Variants in RDH8 observed in about 807,000 individuals in gnomAD.
The protein encoded by RDH8 is retinol dehydrogenase 8.
A neutral mutation model predicts 22.3 loss-of-function variants in RDH8; 14 were observed. The observed-to-expected ratio is 0.63, with a 90% CI of 0.42 to 0.98. The LOEUF is 0.98. RDH8 is among the 50% of genes least tolerant of loss of function. RDH8 has a pLI of 0.00. For missense variants in RDH8, 389 were observed against 409.8 expected (o/e 0.95, Z 0.44); for synonymous variants, 175 against 171.7 (o/e 1.02, Z -0.15).
Position 10,021,775 on chromosome 19 carries a change from T to C in RDH8, c.*26T>C. 1 of 1,603,358 alleles carries C rather than the reference T, an allele frequency of 6.2e-7. No individual in the cohort carries two copies. Among genetic ancestry groups the C allele is most frequent in the Non-Finnish European group, 8.5e-7 (1 of 1,173,070 alleles). ...GCAGAACAGAGCTTCACGATCCCCA[T>C]CCCTGAACAACCAGACCTCTTCATT... On this transcript the variant is annotated 3_prime_UTR_variant, in exon 6 of 6. Coordinates refer to ENST00000591589, the MANE Select transcript of RDH8 (RefSeq NM_015725.4).
At chr19:10,015,057 G>A (rs376628555) in intron 1 of RDH8, among the ~76,000 whole-genome samples, 1 of 152,220 alleles carries the variant, frequency 6.6e-6, no homozygotes, top group Non-Finnish European at 1.5e-5. Context: ...ATGCCCCCAG[G>A]AGTGTTCATG....
At chr19:10,015,626 C>T (rs1394865761) in intron 1 of RDH8, among the ~76,000 whole-genome samples, 1 of 142,212 alleles carries the variant, frequency 7.0e-6, no homozygotes, top group African/African-American at 2.6e-5. Context: ...GAGACTCCGT[C>T]TCAAAAAAAA....
chr19:10,018,010 A>G (rs1014566346), intron 2 of RDH8, among the ~76,000 whole-genome samples: 11 of 151,902 alleles, frequency 7.2e-5, no homozygotes, highest in South Asian at 2.1e-4. Context: ...CAATGGCGCA[A>G]TCTCAGCTCA....
chr19:10,019,297 C>CAAA, intron 3 of RDH8, among the ~76,000 whole-genome samples: 1 of 148,378 alleles, frequency 6.7e-6, no homozygotes, highest in South Asian at 2.1e-4. Flanking sequence ...AACTCTGTCT[C>CAAA]AAAAAAAATA....
rs2087664682 is a variant in RDH8 at position 10,021,826 on chromosome 19, G to A, written c.*77G>A. The A allele has an allele frequency of 7.7e-6, 11 of 1,421,412 alleles. No homozygotes were observed. The South Asian group carries it at 1.4e-4, about 17-fold the overall frequency. The allele number at this position is 1,421,412 out of a possible 1,614,324, so 88.0% of individuals were successfully genotyped here. On this transcript the variant is annotated 3_prime_UTR_variant, in exon 6 of 6. Coordinates refer to ENST00000591589, the MANE Select transcript of RDH8 (RefSeq NM_015725.4). ...CCACATCTAATTCAAAGGATGAACAGACTCTTCATTTATTCATTCTGCAAA... is the reference window on the plus strand; with the variant it reads ...CCACATCTAATTCAAAGGATGAACAAACTCTTCATTTATTCATTCTGCAAA...
intron 1 of RDH8, among the ~76,000 whole-genome samples, chr19:10,014,718 T>C (rs1378698432): frequency 6.6e-6 from 1 of 152,076 alleles, no homozygotes; most frequent in Admixed American, 6.5e-5. Flanking sequence ...TTTGTATTTT[T>C]AATAGACAAG....
chr19:10,021,059 C>T, intron 4 of RDH8, 196 bp from the exon 5 acceptor site: 1 of 640,196 alleles, frequency 1.6e-6, no homozygotes, highest in Non-Finnish European at 2.7e-6. Context: ...CCTGCAGTCC[C>T]AGCTACTCAG....
At chr19:10,015,396 T>C (rs2145164309) in intron 1 of RDH8, among the ~76,000 whole-genome samples, 1 of 151,818 alleles carries the variant, frequency 6.6e-6, no homozygotes, top group Admixed American at 6.6e-5. Context: ...GAGCTTGCAG[T>C]GAGTCGAGAT....
chr19:10,017,931 C>A lies in RDH8; in HGVS notation c.262+716C>A, dbSNP rs182300649. Among the ~76,000 whole-genome samples the A allele has an allele frequency of 2.7e-3, 408 of 152,086 alleles. 1 individual carries two copies. Among genetic ancestry groups the A allele is most frequent in the African/African-American group, 9.3e-3 (387 of 41,482 alleles). On this transcript the variant is annotated intron_variant, in intron 2 of 5. Transcript: ENST00000591589. ...AGAGTGCTGGAATTACAGGCATGCA[C>A]CACCACACCTGGCCAAAAATCAATT...
At chr19:10,020,048 G>A (rs1621143) in intron 3 of RDH8, among the ~76,000 whole-genome samples, 58,090 of 151,640 alleles carry the variant, frequency 0.38, 11,839 homozygotes, top group African/African-American at 0.53. Context: ...GGCTGAGGCA[G>A]GAGATTCACT....
rs2087586920 is a variant in RDH8, at chr19:10,013,618, G to T, written c.103+18G>T. 6.2e-7 allele frequency: 1 copy of T among 1,613,438 alleles called. No homozygotes were observed. ...CTACCAGGGTAAGAAGTGCAGGGTG[G>T]CACTAGGAGGCAGCCGGGTGGAAAC... On this transcript the variant is annotated intron_variant, in intron 1 of 5. Coordinates refer to ENST00000591589, the MANE Select transcript of RDH8 (RefSeq NM_015725.4).
Position 10,017,165 on chromosome 19 carries a change from A to C in RDH8, c.212A>C (p.Glu71Ala). The C allele has an allele frequency of 4.3e-6, 7 of 1,610,480 alleles. No homozygotes were observed. Among genetic ancestry groups the C allele is most frequent in the Non-Finnish European group, 5.9e-6 (7 of 1,177,632 alleles). ...GCCCAGCTGGACGTGTGCAGTGATG[A>C]GTCGGTGGCCCAGTGTCTCAGCTGT... is the stretch of plus-strand genomic sequence containing the variant. Reference protein sequence around the residue: ...TVAQLDVCSDESVAQCLSCIQ... With the variant: ...TVAQLDVCSDASVAQCLSCIQ... The change falls in exon 2 of 6, where the codon GAG becomes GCG. Residue 71 changes from glutamate to alanine, a missense_variant. Glu to Ala is a moderately radical substitution (Grantham distance 107). Coordinates refer to ENST00000591589, the MANE Select transcript of RDH8 (RefSeq NM_015725.4).
chr19:10,017,164 G>A lies in RDH8; in HGVS notation c.211G>A (p.Glu71Lys), dbSNP rs144177019. 2 of 1,611,252 alleles carry A rather than the reference G, an allele frequency of 1.2e-6. No homozygotes were observed. The highest frequency in any genetic ancestry group is 2.2e-5 in the East Asian group (1 of 44,830). ...GGCCCAGCTGGACGTGTGCAGTGAT[G>A]AGTCGGTGGCCCAGTGTCTCAGCTG... ...TVAQLDVCSD[E>K]SVAQCLSCIQ... Residue 71 changes from glutamate to lysine, a missense_variant, in exon 2 of 6, where the codon GAG becomes AAG. Transcript: ENST00000591589.
At chr19:10,014,317 C>T (rs553822525) in intron 1 of RDH8, among the ~76,000 whole-genome samples, 136 of 152,298 alleles carry the variant, frequency 8.9e-4, no homozygotes, top group African/African-American at 3.0e-3. Flanking sequence ...GTTTTAGAGA[C>T]GCACACAGCT....
chr19:10,017,705 G>A (rs907633392), intron 2 of RDH8, among the ~76,000 whole-genome samples: 1 of 152,090 alleles, frequency 6.6e-6, no homozygotes, highest in African/African-American at 2.4e-5. Flanking sequence ...GGAGTGCAGT[G>A]GCGTGATCTC....
At chr19:10,014,356 G>T (rs956494591) in intron 1 of RDH8, among the ~76,000 whole-genome samples, 1 of 152,192 alleles carries the variant, frequency 6.6e-6, no homozygotes, top group Non-Finnish European at 1.5e-5. Flanking sequence ...ATGCCAGTGT[G>T]CAGGGAATAA....
At position 10,018,786 on chromosome 19, in the gene RDH8, C is replaced by T. The variant is rs758108953; in HGVS notation, c.318C>T (p.Ala106=). The T allele has an allele frequency of 3.1e-6, 5 of 1,613,960 alleles. No individual in the cohort carries two copies. Among genetic ancestry groups the T allele is most frequent in the Non-Finnish European group, 4.2e-6 (5 of 1,179,884 alleles). The change falls in exon 3 of 6, where the codon GCC becomes GCT. Residue 106 remains alanine, a synonymous_variant. Transcript: ENST00000591589. The part of the protein sequence containing the change: ...VGPLEGLSLA[A]MQNVFDTNFF... ...CCCTGGAGGGGCTCAGCCTTGCTGC[C>T]ATGCAGAATGTCTTTGACACCAACT...
intron 2 of RDH8, among the ~76,000 whole-genome samples, chr19:10,018,259 T>TA (rs2087634612): frequency 6.6e-6 from 1 of 152,058 alleles, no homozygotes; most frequent in South Asian, 2.1e-4. Context: ...ATCAATTTTT[T>TA]TAAAAAACAA....
At position 10,021,811 on chromosome 19, in the gene RDH8, T is replaced by C; in HGVS notation, c.*62T>C. On this transcript the variant is annotated 3_prime_UTR_variant, in exon 6 of 6. Coordinates refer to ENST00000591589, the MANE Select transcript of RDH8 (RefSeq NM_015725.4). ...CCAGACCTCTTCATTCCACATCTAA[T>C]TCAAAGGATGAACAGACTCTTCATT... 1 of 1,497,316 alleles carries C rather than the reference T, an allele frequency of 6.7e-7. No homozygotes were observed. The highest frequency in any genetic ancestry group is 1.8e-5 in the Admixed American group (1 of 56,542). 92.8% of individuals were successfully genotyped at this position (1,497,316 alleles called of 1,614,324 possible). A position where few individuals can be genotyped will look rare whatever the true frequency, so the allele number is the denominator to read the frequency against.
Sources: allele counts gnomAD v4.1 joint callset (sites outside exome capture counted in the v4.1 genomes callset), GRCh38; gene constraint gnomAD v4.1.1; transcripts MANE v1.5; gene names NCBI Gene and HGNC (gene_info 2026-07-23, HGNC 2026-07-21).